The following PCSK5 variants were observed in gnomAD, a reference collection of about 807,000 sequenced individuals.
PCSK5 encodes prohormone convertase 5.
A neutral mutation model predicts 233.2 loss-of-function variants in PCSK5; 129 were observed. The ratio of observed to expected loss-of-function variants is 0.55; its 90% CI spans 0.48 to 0.64. PCSK5 has a LOEUF of 0.64. PCSK5 is among the 30% of genes least tolerant of loss of function. PCSK5 has a pLI of 0.00. For missense variants in PCSK5, 2,076 were observed against 2,430.1 expected (o/e 0.85, Z 3.06); for synonymous variants, 825 against 879.2 (o/e 0.94, Z 1.09).
intron 22 of PCSK5, 72 bp from the exon 23 acceptor site, chr9:76,238,887 T>G (rs1826337031): frequency 2.7e-6 from 3 of 1,105,572 alleles, no homozygotes; most frequent in Non-Finnish European, 4.0e-6. Flanking sequence ...AAATATAATA[T>G]CTTACATTAT....
intron 30 of PCSK5, among the ~76,000 whole-genome samples, 163 bp from the exon 31 acceptor site, chr9:76,321,259 T>C (rs1202276967): frequency 1.3e-5 from 2 of 152,218 alleles, no homozygotes; most frequent in Non-Finnish European, 2.9e-5. Context: ...TTTCCTTCCA[T>C]TTTTCTGAAT....
intron 5 of PCSK5, among the ~76,000 whole-genome samples, chr9:76,040,395 C>CTCTGTCTCTCTG (rs774103438): frequency 0.057 from 6,279 of 110,300 alleles, 167 homozygotes; most frequent in East Asian, 0.095. Flanking sequence ...GTCTCTCTCT[C>CTCTGTCTCTCTG]TCTCTCTCTC....
chr9:76,030,606 A>G (rs1828614338), intron 5 of PCSK5, among the ~76,000 whole-genome samples: 8 of 152,198 alleles, frequency 5.3e-5, no homozygotes, highest in Admixed American at 5.2e-4. Flanking sequence ...ACCAAAAGAA[A>G]GTTAAAAACC....
In PCSK5 at chr9:76,174,836, C is replaced by A. The variant is rs567577051; in HGVS notation, c.1757-150C>A. On this transcript the variant is annotated intron_variant, in intron 13 of 37. Transcript: ENST00000674117. ...AATTCTGCAGATGACGAGAAATACG[C>A]ATTTCTAGCTCTGCGTTTGATGTAG... 4 of 641,956 alleles carry A rather than the reference C, an allele frequency of 6.2e-6. No homozygotes were observed. The African/African-American group carries it at 7.3e-5, about 12-fold the overall frequency. The allele number at this position is 641,956 out of a possible 1,614,324, so 39.8% of individuals were successfully genotyped here.
intron 27 of PCSK5, among the ~76,000 whole-genome samples, chr9:76,299,331 T>C (rs951841936): frequency 6.6e-6 from 1 of 152,204 alleles, no homozygotes; most frequent in African/African-American, 2.4e-5. Flanking sequence ...TGGTCACTAG[T>C]ATATTGTGAC....
intron 37 of PCSK5, among the ~76,000 whole-genome samples, chr9:76,357,977 T>C (rs1000066776): frequency 6.6e-6 from 1 of 152,214 alleles, no homozygotes; most frequent in Admixed American, 6.5e-5. Context: ...ATAGAGCATT[T>C]AGCAATAACT....
At chr9:75,962,321 A>G (rs1344911820) in intron 2 of PCSK5, among the ~76,000 whole-genome samples, 1 of 152,130 alleles carries the variant, frequency 6.6e-6, no homozygotes, top group Non-Finnish European at 1.5e-5. Context: ...GGTCAAAAGG[A>G]GGATGTGGAG....
At chr9:76,327,164 T>G (rs142000705) in intron 32 of PCSK5, among the ~76,000 whole-genome samples, 14,227 of 149,748 alleles carry the variant, frequency 0.095, 798 homozygotes, top group Non-Finnish European at 0.13. Flanking sequence ...TGGAGTGCAG[T>G]GGTGCAATCA....
At chr9:76,248,947 G>A (rs533286165) in intron 24 of PCSK5, among the ~76,000 whole-genome samples, 3 of 152,232 alleles carry the variant, frequency 2.0e-5, no homozygotes, top group African/African-American at 7.2e-5. Flanking sequence ...ATTTTTTGTA[G>A]AGGTGGGGTC....
chr9:76,093,582 T>TACACACACAC (rs3074176), intron 7 of PCSK5, among the ~76,000 whole-genome samples: 5 of 149,932 alleles, frequency 3.3e-5, no homozygotes, highest in African/African-American at 1.2e-4. Flanking sequence ...TATATATATA[T>TACACACACAC]ACACACACAC....
intron 8 of PCSK5, among the ~76,000 whole-genome samples, chr9:76,100,166 C>A (rs1393309691): frequency 1.3e-5 from 2 of 152,088 alleles, no homozygotes; most frequent in African/African-American, 4.8e-5. Context: ...TCAGCAATGA[C>A]CTTATATCTT....
chr9:76,096,273 A>G (rs1268966874), intron 8 of PCSK5, among the ~76,000 whole-genome samples, 171 bp downstream of exon 8: 1 of 152,204 alleles, frequency 6.6e-6, no homozygotes, highest in Non-Finnish European at 1.5e-5. Flanking sequence ...AGTTGTAAAC[A>G]TTACCAATTG....
intron 34 of PCSK5, among the ~76,000 whole-genome samples, chr9:76,333,894 T>C (rs1587343994): frequency 6.6e-6 from 1 of 152,230 alleles, no homozygotes; most frequent in African/African-American, 2.4e-5. Context: ...GTACTTTGTA[T>C]GTATAAATAA....
chr9:76,256,684 G>A (rs182164809), intron 24 of PCSK5, among the ~76,000 whole-genome samples: 200 of 152,236 alleles, frequency 1.3e-3, no homozygotes, highest in African/African-American at 3.6e-3. Flanking sequence ...ACCCCAGCTC[G>A]TGCCTGTTCA....
At chr9:75,944,965 C>T (rs1236017819) in intron 2 of PCSK5, among the ~76,000 whole-genome samples, 4 of 151,692 alleles carry the variant, frequency 2.6e-5, no homozygotes, top group Non-Finnish European at 4.4e-5. Context: ...CAAAATTAGC[C>T]GGGTGTAGTG....
chr9:76,168,438 G>A (rs765956355), intron 12 of PCSK5, among the ~76,000 whole-genome samples: 41 of 152,162 alleles, frequency 2.7e-4, no homozygotes, highest in Non-Finnish European at 5.4e-4. Context: ...ATGAACCGCT[G>A]CACCCACTTA....
chr9:75,957,052 C>G (rs1321411890), intron 2 of PCSK5, among the ~76,000 whole-genome samples: 1 of 152,156 alleles, frequency 6.6e-6, no homozygotes, highest in East Asian at 1.9e-4. Context: ...AAGTCCCTGG[C>G]ATCCTACACA....
At chr9:75,892,662 G>A (rs1026680791) in intron 1 of PCSK5, among the ~76,000 whole-genome samples, 5 of 152,200 alleles carry the variant, frequency 3.3e-5, no homozygotes, top group Admixed American at 6.5e-5. Flanking sequence ...GGAACCCGGG[G>A]ACACCCCCCG....
intron 1 of PCSK5, among the ~76,000 whole-genome samples, chr9:75,929,754 C>T (rs1237435791): frequency 6.6e-6 from 1 of 152,074 alleles, no homozygotes; most frequent in Non-Finnish European, 1.5e-5. Flanking sequence ...CTGGGGAGGC[C>T]CCACAATCAT....
Sources: allele counts gnomAD v4.1 joint callset (sites outside exome capture counted in the v4.1 genomes callset), GRCh38; gene constraint gnomAD v4.1.1; transcripts MANE v1.5; gene names NCBI Gene and HGNC (gene_info 2026-07-23, HGNC 2026-07-21).